LTO1: variants seen among roughly 807,000 people sequenced by gnomAD.
LTO1 encodes protein LTO1 homolog.
In LTO1, 18 loss-of-function variants were observed where a neutral mutation model predicts 19.8. The ratio of observed to expected loss-of-function variants is 0.91; its 90% CI spans 0.63 to 1.35. The LOEUF (loss-of-function observed/expected upper bound fraction) is 1.35. Among genes scored for constraint, LTO1 ranks in the 40% most tolerant of loss-of-function variants. LTO1 has a pLI of 0.00. For missense variants in LTO1, 175 were observed against 167.9 expected, an observed-to-expected ratio of 1.04 and a Z score of -0.23; for synonymous variants, 59 against 59.6, an observed-to-expected ratio of 0.99 and a Z score of 0.05.
intron 3 of LTO1, 113 bp from the exon 4 acceptor site, chr11:69,668,125 C>T (rs1438820636): frequency 6.0e-6 from 4 of 668,324 alleles, no homozygotes; most frequent in African/African-American, 1.8e-5. Context: ...AGAATGCCTT[C>T]GTTCAAAAGC....
At chr11:69,672,856 G>T (rs1856126575) in intron 2 of LTO1, 1 of 346,662 alleles carries the variant, frequency 2.9e-6, no homozygotes, top group Admixed American at 3.9e-5. Flanking sequence ...AGGCTGCAGT[G>T]CAATGGCACG....
chr11:69,670,964 T>C (rs1326588136), intron 3 of LTO1, among the ~76,000 whole-genome samples: 3 of 152,174 alleles, frequency 2.0e-5, no homozygotes, highest in African/African-American at 7.2e-5. Flanking sequence ...GCAGTGGCAT[T>C]ATCTCAGCTC....
At chr11:69,670,210 T>C (rs1347037552) in intron 3 of LTO1, among the ~76,000 whole-genome samples, 1 of 152,192 alleles carries the variant, frequency 6.6e-6, no homozygotes, top group African/African-American at 2.4e-5. Context: ...CTGAGTGTGC[T>C]GCTTTCAGAC....
chr11:69,669,826 G>A (rs1172776476), intron 3 of LTO1, among the ~76,000 whole-genome samples: 1 of 152,212 alleles, frequency 6.6e-6, no homozygotes, highest in Non-Finnish European at 1.5e-5. Flanking sequence ...CGGAAAGCTA[G>A]TTACTCAACG....
At chr11:69,669,626 T>C (rs571410505) in intron 3 of LTO1, among the ~76,000 whole-genome samples, 3 of 152,302 alleles carry the variant, frequency 2.0e-5, no homozygotes, top group South Asian at 4.1e-4. Flanking sequence ...TGGTCAGCGA[T>C]GCTGCTCAGA....
chr11:69,666,736 C>T lies in LTO1; in HGVS notation c.*783G>A, dbSNP rs1002682797. ...CAGTGCAAAGGATATGTCTGGGTCC[C>T]CTCAGGATCAGGTTGGCCTTTCTTC... On this transcript the variant is annotated 3_prime_UTR_variant, in exon 5 of 5. Coordinates refer to ENST00000279147, the MANE Select transcript of LTO1 (RefSeq NM_153451.3). 6.6e-6 allele frequency: 1 copy of T among 152,328 alleles called. No individual in the cohort carries two copies. The highest frequency in any genetic ancestry group is 1.5e-5 in the Non-Finnish European group (1 of 68,128). The allele number at this position is 152,328 out of a possible 1,614,324, so 9.4% of individuals were successfully genotyped here.
chr11:69,670,606 T>C (rs1856096762), intron 3 of LTO1, among the ~76,000 whole-genome samples: 1 of 152,172 alleles, frequency 6.6e-6, no homozygotes, highest in Non-Finnish European at 1.5e-5. Context: ...CTTAAACATT[T>C]GAATATTCAA....
rs748393975 is a variant in LTO1, at chr11:69,671,778, T to C, written c.198A>G (p.Leu66=). Residue 66 remains leucine, a synonymous_variant, in exon 3 of 5, where the codon CTA becomes CTG. Coordinates refer to ENST00000279147, the MANE Select transcript of LTO1 (RefSeq NM_153451.3). ...YQGFAFAWKC[L]LHSCTTEKDS... The stretch of plus-strand genomic sequence containing the variant: ...CCTTCTCAGTGGTGCAACTGTGCAG[T>C]AGACATTTCCATGCAAAAGCAAAAC... 1.7e-5 allele frequency: 27 copies of C among 1,603,350 alleles called. No homozygotes were observed. The African/African-American group carries it at 1.7e-4, about 10-fold the overall frequency.
intron 4 of LTO1, 103 bp downstream of exon 4, chr11:69,667,792 G>C (rs897056726): frequency 1.3e-6 from 1 of 765,872 alleles, no homozygotes; most frequent in Non-Finnish European, 2.3e-6. Context: ...CGCGGCGCAC[G>C]CAGCCCCAGG....
chr11:69,667,826 G>T, intron 4 of LTO1, 69 bp downstream of exon 4: 1 of 881,360 alleles, frequency 1.1e-6, no homozygotes, highest in Non-Finnish European at 1.9e-6. Flanking sequence ...GGCCCCGGGA[G>T]TGCGCTGCCC....
Position 69,670,166 on chromosome 11 carries a change from C to T in LTO1, c.227+1583G>A, listed in dbSNP as rs76609798. Among the ~76,000 whole-genome samples the T allele has an allele frequency of 2.2e-3, 337 of 152,280 alleles. 3 individuals carry two copies. The highest frequency in any genetic ancestry group is 6.7e-3 in the African/African-American group (278 of 41,542). Reference sequence around the variant, plus strand: ...TCTGGCAGGGCTTCCACCAGCCCCTCGTCAACCAAAGCGGTTCTTCTCTGT... The same window carrying T: ...TCTGGCAGGGCTTCCACCAGCCCCTTGTCAACCAAAGCGGTTCTTCTCTGT... On this transcript the variant is annotated intron_variant, in intron 3 of 4. Transcript: ENST00000279147.
intron 3 of LTO1, among the ~76,000 whole-genome samples, chr11:69,668,795 A>G (rs2119838563): frequency 6.6e-6 from 1 of 152,080 alleles, no homozygotes; most frequent in Non-Finnish European, 1.5e-5. Flanking sequence ...TGGGAGGCCG[A>G]GGAGGGTGGA....
chr11:69,672,254 G>A (rs1224899585), intron 2 of LTO1: 1 of 175,038 alleles, frequency 5.7e-6, no homozygotes, highest in Non-Finnish European at 1.2e-5. Flanking sequence ...GCACCACCTT[G>A]GAGGCAGATC....
intron 1 of LTO1, chr11:69,674,813 T>C (rs576173521): frequency 6.1e-6 from 3 of 495,386 alleles, no homozygotes; most frequent in Non-Finnish European, 1.2e-5. Flanking sequence ...AGCACATCCA[T>C]GAATACTGCC....
intron 2 of LTO1, chr11:69,672,219 C>T (rs546164986): frequency 7.7e-5 from 14 of 182,516 alleles, no homozygotes; most frequent in South Asian, 2.5e-4. Flanking sequence ...CCCATGGAGA[C>T]GTCCATGCCC....
chr11:69,666,246 C>T lies in LTO1; in HGVS notation c.*1273G>A, dbSNP rs1382876726. 1 of 152,252 alleles carries T rather than the reference C, an allele frequency of 6.6e-6. No homozygotes were observed. Among genetic ancestry groups the T allele is most frequent in the African/African-American group, 2.4e-5 (1 of 41,470 alleles). 9.4% of individuals were successfully genotyped at this position (152,252 alleles called of 1,614,324 possible). On this transcript the variant is annotated 3_prime_UTR_variant, in exon 5 of 5. Coordinates refer to ENST00000279147, the MANE Select transcript of LTO1 (RefSeq NM_153451.3). ...GGGTCACTTCTCTGGCTCCTGCAGC[C>T]GGCAGCTTAGGCAGCACAACACAAT...
intron 2 of LTO1, 120 bp downstream of exon 2, chr11:69,673,096 C>T (rs761869449): frequency 1.3e-5 from 10 of 749,370 alleles, no homozygotes; most frequent in Non-Finnish European, 2.4e-5. Flanking sequence ...AGTCACCGCG[C>T]CCATCCGGCA....
rs754178476 is a variant in LTO1 at position 69,667,579 on chromosome 11, C to T, written c.354G>A (p.Ser118=). ...KIRGKFKQFC[S]LLNVQPDFKI... Reference sequence around the variant, plus strand: ...TAAAGTCTGGCTGAACATTGAGTAACGAACAAAACTGAAAACACAAAAGAG... The same window carrying T: ...TAAAGTCTGGCTGAACATTGAGTAATGAACAAAACTGAAAACACAAAAGAG... Residue 118 remains serine, a synonymous_variant, in exon 5 of 5, where the codon TCG becomes TCA. Transcript: ENST00000279147. The T allele has an allele frequency of 2.0e-5, 32 of 1,606,414 alleles. No individual in the cohort carries two copies. Among genetic ancestry groups the T allele is most frequent in the African/African-American group, 1.5e-4 (11 of 74,782 alleles).
chr11:69,674,995 G>A (rs778701192), intron 1 of LTO1, 195 bp downstream of exon 1: 9 of 693,422 alleles, frequency 1.3e-5, no homozygotes, highest in Non-Finnish European at 1.8e-5. Flanking sequence ...CACGTGCCCC[G>A]CCGGAGCGGG....
Sources: allele counts gnomAD v4.1 joint callset (sites outside exome capture counted in the v4.1 genomes callset), GRCh38; gene constraint gnomAD v4.1.1; transcripts MANE v1.5; gene names NCBI Gene and HGNC (gene_info 2026-07-23, HGNC 2026-07-21).